Variants in PRSS41 observed in about 807,000 individuals in gnomAD.
PRSS41 encodes serine protease 41.
PRSS41 carries 37 observed loss-of-function variants against 28.8 expected under a neutral mutation model. The observed-to-expected ratio is 1.29, with a 90% CI of 0.99 to 1.69. The LOEUF (loss-of-function observed/expected upper bound fraction) is 1.69, where lower values mean the gene tolerates loss of function less well. Among genes scored for constraint, PRSS41 ranks in the 40% most tolerant of loss-of-function variants. The pLI, the probability that PRSS41 is intolerant of heterozygous loss-of-function variation, is 0.00. For missense variants in PRSS41, 431 were observed against 400.7 expected (o/e 1.08, Z -0.65); for synonymous variants, 195 against 163.1 (o/e 1.20, Z -1.49).
At chr16:2,799,215 T>C (rs1373967248) in intron 3 of PRSS41, 71 bp from the exon 4 acceptor site, 1 of 1,522,530 alleles carries the variant, frequency 6.6e-7, no homozygotes, top group African/African-American at 1.4e-5. Flanking sequence ...CCTCAGGGAC[T>C]GGGCCTCCAG....
intron 4 of PRSS41, among the ~76,000 whole-genome samples, chr16:2,802,211 G>T (rs1212311993): frequency 1.3e-5 from 2 of 151,286 alleles, no homozygotes; most frequent in Non-Finnish European, 2.9e-5. Flanking sequence ...ACAGGGTCGC[G>T]GCCGGGCAGA....
At position 2,799,352 on chromosome 16, in the gene PRSS41, C is replaced by G. The variant is rs776035280; in HGVS notation, c.324C>G (p.Asn108Lys). 3 of 1,551,816 alleles carry G rather than the reference C, an allele frequency of 1.9e-6. No homozygotes were observed. The Admixed American group carries it at 5.9e-5, about 30-fold the overall frequency. Reference sequence around the variant, plus strand: ...TGACTTCCAGGCCAACTCCTTGGAACCTGCGGGCCTACAGCAGTCGTTACA... The same window carrying G: ...TGACTTCCAGGCCAACTCCTTGGAAGCTGCGGGCCTACAGCAGTCGTTACA... Residue 108 changes from asparagine (N) to lysine (K), a missense_variant, in exon 4 of 6, where the codon AAC (asparagine) becomes AAG (lysine). Asn to Lys is a moderately conservative substitution (Grantham distance 94). Transcript: ENST00000399677.
In PRSS41 at chr16:2,799,031, G is replaced by A. The variant is rs568166083; in HGVS notation, c.164G>A (p.Trp55Ter). 11 of 1,532,888 alleles carry A rather than the reference G, an allele frequency of 7.2e-6. No individual in the cohort carries two copies. The African/African-American group carries it at 1.2e-4, about 17-fold the overall frequency. 95.0% of individuals were successfully genotyped at this position (1,532,888 alleles called of 1,614,324 possible). ...GAGTCCGCGCGCGGGCGCTGGCCATGGCAGGCCAGCCTGCGCCTGAGGAGA... is the reference window on the plus strand; with the variant it reads ...GAGTCCGCGCGCGGGCGCTGGCCATAGCAGGCCAGCCTGCGCCTGAGGAGA... Residue 55 changes from tryptophan to a stop codon, truncating the protein, a stop_gained, in exon 3 of 6, where the codon TGG becomes TAG. Coordinates refer to ENST00000399677, the Ensembl canonical transcript of PRSS41. LOFTEE classifies it high-confidence loss of function.
chr16:2,804,966 T>C, exon 6 of PRSS41: 1 of 1,588,792 alleles, frequency 6.3e-7, no homozygotes, highest in Admixed American at 1.8e-5. Context: ...TGGTATCAGG[T>C]TGGAATCGTG....
chr16:2,803,183 A>G, intron 4 of PRSS41, among the ~76,000 whole-genome samples: 1 of 152,142 alleles, frequency 6.6e-6, no homozygotes, highest in East Asian at 1.9e-4. Flanking sequence ...GACTTCTGCC[A>G]TTTTGTTACT....
At chr16:2,805,195 C>T in exon 6 of PRSS41, 1 of 1,320,780 alleles carries the variant, frequency 7.6e-7, no homozygotes, top group Non-Finnish European at 1.1e-6. Context: ...ACAGTATTGG[C>T]TCACCTCCTC....
exon 5 of PRSS41, chr16:2,804,502 A>G: frequency 6.4e-7 from 1 of 1,551,426 alleles, no homozygotes; most frequent in Non-Finnish European, 8.7e-7. Context: ...CTGGGATTCC[A>G]TGTTTTGTGC....
intron 2 of PRSS41, 51 bp from the exon 3 acceptor site, chr16:2,798,908 G>GC: frequency 5.8e-5 from 82 of 1,415,274 alleles, no homozygotes; most frequent in Middle Eastern, 2.5e-4. Flanking sequence ...GGGCGGGCCT[G>GC]CCCACCCCAC....
At chr16:2,801,797 G>T (rs1483537186) in intron 4 of PRSS41, among the ~76,000 whole-genome samples, 1 of 151,422 alleles carries the variant, frequency 6.6e-6, no homozygotes, top group Non-Finnish European at 1.5e-5. Flanking sequence ...ACCTTTCCCC[G>T]CTTTCTATTC....
chr16:2,799,069 G>T lies in PRSS41; in HGVS notation c.202G>T (p.Gly68Ter). ...GCGCCTGAGGAGACGCCACCGATGTGGAGGGAGCCTGCTCAGCCGCCGCTG... is the reference window on the plus strand; with the variant it reads ...GCGCCTGAGGAGACGCCACCGATGTTGAGGGAGCCTGCTCAGCCGCCGCTG... The change falls in exon 3 of 6, where the codon GGA becomes TGA. Residue 68 changes from glycine to a stop codon, truncating the protein, a stop_gained. Coordinates refer to ENST00000399677, the Ensembl canonical transcript of PRSS41. LOFTEE classifies it high-confidence loss of function. 1 of 1,534,122 alleles carries T rather than the reference G, an allele frequency of 6.5e-7. No individual in the cohort carries two copies. The highest frequency in any genetic ancestry group is 1.2e-5 in the South Asian group (1 of 83,796).
At chr16:2,804,834 C>G (rs2069010532) in intron 5 of PRSS41, 80 bp from the exon 6 acceptor site, 1 of 1,127,898 alleles carries the variant, frequency 8.9e-7, no homozygotes, top group Admixed American at 2.0e-5. Flanking sequence ...CTGCCTAGCC[C>G]CACAGCCCCT....
chr16:2,803,921 T>C (rs2069004523), intron 4 of PRSS41, among the ~76,000 whole-genome samples: 1 of 152,224 alleles, frequency 6.6e-6, no homozygotes, highest in South Asian at 2.1e-4. Context: ...AGTTTTATTA[T>C]AATGTGTCTC....
At chr16:2,804,841 C>T in intron 5 of PRSS41, 73 bp from the exon 6 acceptor site, 1 of 1,168,658 alleles carries the variant, frequency 8.6e-7, no homozygotes. Context: ...GCCCCACAGC[C>T]CCTCCTGCTC....
At chr16:2,801,050 G>C (rs144352336) in intron 4 of PRSS41, among the ~76,000 whole-genome samples, 1 of 152,122 alleles carries the variant, frequency 6.6e-6, no homozygotes. Context: ...TGTTGGCTAG[G>C]CTGGTCTCGA....
At chr16:2,802,417 G>A (rs2068995064) in intron 4 of PRSS41, among the ~76,000 whole-genome samples, 1 of 150,502 alleles carries the variant, frequency 6.6e-6, no homozygotes, top group Non-Finnish European at 1.5e-5. Flanking sequence ...CAGGCAGAGG[G>A]GCTCCTCACA....
exon 3 of PRSS41, chr16:2,799,090 C>T (rs1178248046): frequency 1.3e-6 from 2 of 1,532,728 alleles, no homozygotes; most frequent in African/African-American, 2.7e-5. Context: ...GCTCAGCCGC[C>T]GCTGGGTGCT....
chr16:2,800,844 G>C (rs753958939), intron 4 of PRSS41, among the ~76,000 whole-genome samples: 66 of 152,180 alleles, frequency 4.3e-4, no homozygotes, highest in Non-Finnish European at 8.7e-4. Context: ...TGTAATAGCA[G>C]CTACCTTAAG....
intron 2 of PRSS41, 25 bp downstream of exon 2, chr16:2,798,687 C>A: frequency 1.4e-6 from 2 of 1,443,102 alleles, no homozygotes; most frequent in Non-Finnish European, 1.8e-6. Context: ...ACGCGCGATG[C>A]CAGCCAGGGC....
rs778673585 is a variant in PRSS41 at position 2,804,394 on chromosome 16, C to G, written c.547C>G (p.Leu183Val). ...CTTTTCTGTCCTATCTCCAGCACCT[C>G]TGCCACCTCCTTACAACCTCCGGGA... The change falls in exon 5 of 6, where the codon CTG becomes GTG. Residue 183 changes from leucine to valine, a missense_variant. Leu to Val is a conservative substitution (Grantham distance 32, BLOSUM62 1). Transcript: ENST00000399677. The G allele has an allele frequency of 5.2e-6, 8 of 1,551,450 alleles. No individual in the cohort carries two copies. The South Asian group carries it at 8.3e-5, about 16-fold the overall frequency.
Sources: gnomAD v4.1 joint callset for allele counts (sites outside exome capture counted in the v4.1 genomes callset) on GRCh38, gnomAD v4.1.1 for gene constraint, MANE v1.5 for transcripts, NCBI Gene and HGNC (gene_info 2026-07-23, HGNC 2026-07-21) for gene names.